SLC36A1: variants seen among roughly 807,000 people sequenced by gnomAD.
The protein encoded by SLC36A1 is solute carrier family 36 member 1.
Under a neutral mutation model 47.5 loss-of-function variants are expected in SLC36A1, and 30 were observed. The observed-to-expected ratio is 0.63, with a 90% CI of 0.47 to 0.86. SLC36A1 has a LOEUF of 0.86. Among genes scored for constraint, SLC36A1 ranks in the 40% least tolerant of loss-of-function variants. The probability of loss-of-function intolerance (pLI) is 0.00; values close to 1 mark genes in which losing one functional copy is unlikely to be tolerated. For missense variants in SLC36A1, 517 were observed against 606.0 expected, an observed-to-expected ratio of 0.85 and a Z score of 1.54; for synonymous variants, 255 against 249.7, an observed-to-expected ratio of 1.02 and a Z score of -0.20.
chr5:151,450,448 G>A (rs936384434), intron 1 of SLC36A1, among the ~76,000 whole-genome samples: 9 of 151,558 alleles, frequency 5.9e-5, no homozygotes, highest in Non-Finnish European at 1.3e-4. Flanking sequence ...TTACTAGCAT[G>A]TAGAGTGGAT....
At chr5:151,536,510 C>T in the SLC36A1 span, among the ~76,000 whole-genome samples, 62 of 152,292 alleles carry the variant, frequency 4.1e-4, 1 homozygote, top group Non-Finnish European at 6.5e-4. Context: ...TCCACACCCT[C>T]CCCTGCAGCA....
chr5:151,399,889 T>C, the SLC36A1 span, among the ~76,000 whole-genome samples: 3 of 152,240 alleles, frequency 2.0e-5, no homozygotes, highest in Admixed American at 2.0e-4. Flanking sequence ...TGCCTGGCAA[T>C]GTGCTAATCA....
At chr5:151,471,255 G>A (rs769314046) in intron 7 of SLC36A1, among the ~76,000 whole-genome samples, 9 of 152,190 alleles carry the variant, frequency 5.9e-5, no homozygotes, top group Non-Finnish European at 1.0e-4. Context: ...ACTTATTGAC[G>A]ACAAGGGAGG....
the SLC36A1 span, chr5:151,381,081 C>T: frequency 2.1e-6 from 1 of 470,566 alleles, no homozygotes; most frequent in Non-Finnish European, 4.0e-6. Flanking sequence ...AGGCACCAGC[C>T]ACACGACCAT....
intron 6 of SLC36A1, 34 bp downstream of exon 6, chr5:151,467,317 A>C (rs1554113045): frequency 9.4e-6 from 13 of 1,388,766 alleles, no homozygotes; most frequent in Non-Finnish European, 1.2e-5. Context: ...AAAAAAAAAA[A>C]AAACCAGAGC....
At chr5:151,507,233 G>C in the SLC36A1 span, 30 of 1,613,646 alleles carry the variant, frequency 1.9e-5, no homozygotes, top group Middle Eastern at 8.2e-4. Flanking sequence ...GCGGGAGTCT[G>C]GGGGGCACAC....
chr5:151,382,378 C>G, the SLC36A1 span: 892 of 723,842 alleles, frequency 1.2e-3, 4 homozygotes, highest in Middle Eastern at 3.9e-3. Context: ...ATCAAAGATG[C>G]CTTTTGATGA....
chr5:151,372,851 A>G, the SLC36A1 span, among the ~76,000 whole-genome samples: 1 of 152,228 alleles, frequency 6.6e-6, no homozygotes, highest in African/African-American at 2.4e-5. Context: ...AAACAGAAAA[A>G]AAGAGTGAAA....
the SLC36A1 span, among the ~76,000 whole-genome samples, chr5:151,396,532 T>A: frequency 1.3e-5 from 2 of 152,154 alleles, no homozygotes; most frequent in Non-Finnish European, 2.9e-5. Context: ...TTTAGGGCCA[T>A]TGACTTACAG....
chr5:151,412,954 G>A, the SLC36A1 span, among the ~76,000 whole-genome samples: 3 of 143,882 alleles, frequency 2.1e-5, 1 homozygote, highest in African/African-American at 7.6e-5. Flanking sequence ...AACTCCATCA[G>A]ACCCCTACTC....
the SLC36A1 span, among the ~76,000 whole-genome samples, chr5:151,503,036 T>C: frequency 1.3e-5 from 2 of 148,208 alleles, no homozygotes; most frequent in Admixed American, 1.3e-4. Flanking sequence ...TGGAAAACTA[T>C]GGAGACAGCA....
chr5:151,544,003 T>C, the SLC36A1 span: 1 of 1,613,792 alleles, frequency 6.2e-7, no homozygotes, highest in East Asian at 2.2e-5. Context: ...CTCTGGGGGG[T>C]TGTCATTGAT....
intron 9 of SLC36A1, chr5:151,477,567 TG>T (rs1161285740): frequency 6.6e-6 from 1 of 152,364 alleles, no homozygotes; most frequent in Non-Finnish European, 1.5e-5. Context: ...CAGAATGGTA[TG>T]GCTATAGACC....
At chr5:151,373,562 C>G in the SLC36A1 span, among the ~76,000 whole-genome samples, 1 of 152,002 alleles carries the variant, frequency 6.6e-6, no homozygotes, top group Middle Eastern at 3.4e-3. Flanking sequence ...GAAGTAAAGC[C>G]TTTTTTTAAA....
At chr5:151,554,941 C>T in the SLC36A1 span, among the ~76,000 whole-genome samples, 1 of 152,208 alleles carries the variant, frequency 6.6e-6, no homozygotes, top group Admixed American at 6.5e-5. Flanking sequence ...GGGACAACCC[C>T]TGGGCCATTT....
chr5:151,353,306 G>T, the SLC36A1 span, among the ~76,000 whole-genome samples: 1 of 152,190 alleles, frequency 6.6e-6, no homozygotes, highest in Non-Finnish European at 1.5e-5. Context: ...CACACACAAA[G>T]ATACTATGTT....
At chr5:151,379,627 C>T in the SLC36A1 span, among the ~76,000 whole-genome samples, 7 of 152,306 alleles carry the variant, frequency 4.6e-5, no homozygotes, top group East Asian at 5.8e-4. Context: ...CCACCGTGCC[C>T]GGCGCTCTTC....
At chr5:151,363,524 G>T in the SLC36A1 span, among the ~76,000 whole-genome samples, 1 of 152,036 alleles carries the variant, frequency 6.6e-6, no homozygotes, top group Non-Finnish European at 1.5e-5. Flanking sequence ...GTTTTCTGTA[G>T]GGGAAACTGA....
intron 7 of SLC36A1, 107 bp from the exon 8 acceptor site, chr5:151,473,566 A>C: frequency 2.9e-6 from 2 of 700,328 alleles, no homozygotes; most frequent in Non-Finnish European, 5.0e-6. Flanking sequence ...CCTTTAGAGA[A>C]TCTTGGATTT....
Sources: allele counts gnomAD v4.1 joint callset (sites outside exome capture counted in the v4.1 genomes callset), GRCh38; gene constraint gnomAD v4.1.1; transcripts MANE v1.5; gene names NCBI Gene and HGNC (gene_info 2026-07-23, HGNC 2026-07-21).